TRMT44: variants seen among roughly 807,000 people sequenced by gnomAD.
TRMT44 encodes the protein tRNA methyltransferase 44 homolog.
A neutral mutation model predicts 77.3 loss-of-function variants in TRMT44; 78 were observed. The ratio of observed to expected loss-of-function variants is 1.01; its 90% CI spans 0.84 to 1.22. The LOEUF is 1.22. TRMT44 is among the 50% of genes most tolerant of loss of function. The pLI, the probability that TRMT44 is intolerant of heterozygous loss-of-function variation, is 0.00. For synonymous variants in TRMT44, 391 were observed against 383.3 expected (o/e 1.02, Z -0.23); for missense variants, 1,090 against 964.4 (o/e 1.13, Z -1.73).
chr4:8,449,949 CTT>C (rs745915221), intron 3 of TRMT44, 61 bp downstream of exon 3: 2,757 of 236,142 alleles, frequency 0.012, no homozygotes, highest in South Asian at 0.019. Flanking sequence ...CTTTTCTTTT[CTT>C]TTTTTTTTTT....
chr4:8,465,309 T>TA, intron 7 of TRMT44, 69 bp from the exon 8 acceptor site: 1 of 1,477,556 alleles, frequency 6.8e-7, no homozygotes, highest in Non-Finnish European at 9.2e-7. Context: ...CCGTGTGGCT[T>TA]TGTTCCGAAT....
At chr4:8,496,263 C>T (rs1301328087), downstream of TRMT44, among the ~76,000 whole-genome samples, 1 of 152,244 alleles carries the variant, frequency 6.6e-6, no homozygotes, top group East Asian at 1.9e-4. Flanking sequence ...TAAATCTCTG[C>T]TTTTACTTCC....
Position 8,440,876 on chromosome 4 carries a change from G to C in TRMT44, c.54G>C (p.Gln18His), listed in dbSNP as rs1484354650. 39 of 1,525,556 alleles carry C rather than the reference G, an allele frequency of 2.6e-5. No homozygotes were observed. The highest frequency in any genetic ancestry group is 3.4e-5 in the Non-Finnish European group (39 of 1,143,356). The allele number at this position is 1,525,556 out of a possible 1,614,324, so 94.5% of individuals were successfully genotyped here. A position where few individuals can be genotyped will look rare whatever the true frequency, so the allele number is the denominator to read the frequency against. The change falls in exon 1 of 11, where the codon CAG becomes CAC. Residue 18 changes from glutamine to histidine, a missense_variant. Transcript: ENST00000389737. ...GISYPGALLP[Q>H]GFWAAVEVWL... ...GCTACCCAGGCGCGCTTCTCCCACA[G>C]GGCTTCTGGGCTGCGGTCGAAGTGT...
downstream of TRMT44, among the ~76,000 whole-genome samples, chr4:8,496,693 C>T (rs1277074733): frequency 6.6e-6 from 1 of 152,086 alleles, no homozygotes; most frequent in African/African-American, 2.4e-5. Context: ...TGCAGGCGGT[C>T]ACTGTGGCTC....
chr4:8,492,371 T>A (rs778842756), intron 2 of TRMT44, among the ~76,000 whole-genome samples: 5 of 152,208 alleles, frequency 3.3e-5, no homozygotes, highest in Non-Finnish European at 5.9e-5. Context: ...ACCGCCGTGG[T>A]GCTGAAACCG....
downstream of TRMT44, among the ~76,000 whole-genome samples, chr4:8,496,114 C>A (rs1477872705): frequency 6.6e-6 from 1 of 152,132 alleles, no homozygotes; most frequent in South Asian, 2.1e-4. Flanking sequence ...TAGAGTGAAC[C>A]AATGGGAAGC....
At chr4:8,449,370 C>A (rs1194792268) in intron 2 of TRMT44, among the ~76,000 whole-genome samples, 7 of 152,254 alleles carry the variant, frequency 4.6e-5, no homozygotes, top group African/African-American at 1.7e-4. Flanking sequence ...GACGCTTAGA[C>A]TCTGGCTCCT....
chr4:8,445,865 A>G (rs1053897189), intron 1 of TRMT44, among the ~76,000 whole-genome samples: 2 of 152,190 alleles, frequency 1.3e-5, no homozygotes, highest in African/African-American at 4.8e-5. Context: ...TCAAAGGTAA[A>G]CACGATTGAT....
At position 8,476,129 on chromosome 4, in the gene TRMT44, TC is replaced by T; in HGVS notation, c.*130del. On this transcript the variant is annotated 3_prime_UTR_variant, in exon 11 of 11. Coordinates refer to ENST00000389737, the MANE Select transcript of TRMT44 (RefSeq NM_152544.3). Reference sequence around the variant, plus strand: ...CCACCTCCTCCCAGCTTTCTCCACATCCTCACAGTGATGAACCGTATTTCAT... The same window carrying T: ...CCACCTCCTCCCAGCTTTCTCCACATCTCACAGTGATGAACCGTATTTCAT... 1 of 793,526 alleles carries T rather than the reference TC, an allele frequency of 1.3e-6. No individual in the cohort carries two copies. The highest frequency in any genetic ancestry group is 1.7e-5 in the African/African-American group (1 of 58,030). 49.2% of individuals were successfully genotyped at this position (793,526 alleles called of 1,614,324 possible).
rs2109167197 is a variant in TRMT44 at position 8,468,287 on chromosome 4, G to A, written c.1868G>A (p.Gly623Glu). The A allele has an allele frequency of 1.2e-6, 2 of 1,614,242 alleles. No individual in the cohort carries two copies. Among genetic ancestry groups the A allele is most frequent in the Non-Finnish European group, 1.7e-6 (2 of 1,180,044 alleles). Residue 623 changes from glycine (G) to glutamate (E), a missense_variant, in exon 9 of 11, where the codon GGA (glycine) becomes GAA (glutamate). Coordinates refer to ENST00000389737, the MANE Select transcript of TRMT44 (RefSeq NM_152544.3). ...VLQVANLLLG[G>E]KQLNTRSSRN... is the part of the protein sequence containing the mutation. ...CAAGTAGCGAATTTACTGTTAGGTG[G>A]AAAGCAATTAAACACAAGAAGTTCT...
chr4:8,489,774 G>A (rs961050598), intron 2 of TRMT44, among the ~76,000 whole-genome samples: 11 of 152,068 alleles, frequency 7.2e-5, no homozygotes, highest in Non-Finnish European at 1.6e-4. Flanking sequence ...CACCACACCC[G>A]GCCTAGGCTG....
At chr4:8,480,658 G>T (rs566608289), downstream of TRMT44, among the ~76,000 whole-genome samples, 5 of 152,126 alleles carry the variant, frequency 3.3e-5, no homozygotes, top group Admixed American at 3.3e-4. Context: ...TGGCGCCTGC[G>T]ACCAATGATC....
chr4:8,481,542 C>T (rs1727613496), downstream of TRMT44, among the ~76,000 whole-genome samples: 1 of 152,198 alleles, frequency 6.6e-6, no homozygotes, highest in Admixed American at 6.5e-5. Context: ...GTTGGGGTAG[C>T]CCTTTCCTGT....
intron 3 of TRMT44, among the ~76,000 whole-genome samples, chr4:8,450,843 G>A (rs1725404404): frequency 6.9e-6 from 1 of 145,850 alleles, no homozygotes; most frequent in Non-Finnish European, 1.5e-5. Context: ...TGTCGCCTAG[G>A]CTGGGGTGCA....
At chr4:8,464,803 A>T (rs1726416201) in intron 7 of TRMT44, among the ~76,000 whole-genome samples, 1 of 152,230 alleles carries the variant, frequency 6.6e-6, no homozygotes, top group African/African-American at 2.4e-5. Flanking sequence ...GAAAAGATAT[A>T]CTATGTTGCT....
intron 2 of TRMT44, among the ~76,000 whole-genome samples, chr4:8,447,099 C>T (rs1218658949): frequency 6.6e-6 from 1 of 152,184 alleles, no homozygotes; most frequent in Non-Finnish European, 1.5e-5. Context: ...TGGTATCAAA[C>T]TCCTGACCTC....
intron 2 of TRMT44, chr4:8,493,117 A>G (rs920556984): frequency 1.3e-5 from 2 of 152,232 alleles, no homozygotes; most frequent in Non-Finnish European, 2.9e-5. Flanking sequence ...TGCCTGCCTG[A>G]GGATCAGACT....
chr4:8,512,920 G>A, the TRMT44 span, among the ~76,000 whole-genome samples: 1 of 152,080 alleles, frequency 6.6e-6, no homozygotes, highest in Non-Finnish European at 1.5e-5. Context: ...GTAAATAAAC[G>A]TATTTTATTT....
the TRMT44 span, among the ~76,000 whole-genome samples, chr4:8,506,017 C>T: frequency 2.0e-5 from 3 of 152,220 alleles, no homozygotes; most frequent in African/African-American, 7.2e-5. Flanking sequence ...ATTATCCAGC[C>T]TTGGGTATTT....
Sources: gnomAD v4.1 joint callset for allele counts (sites outside exome capture counted in the v4.1 genomes callset) on GRCh38, gnomAD v4.1.1 for gene constraint, MANE v1.5 for transcripts, NCBI Gene and HGNC (gene_info 2026-07-23, HGNC 2026-07-21) for gene names.